Variants in CD302 observed in about 807,000 individuals in gnomAD.
CD302 encodes the protein CD302 molecule, also known as CD302 antigen.
CD302 carries 23 observed loss-of-function variants against 26.5 expected under a neutral mutation model. That is an observed-to-expected ratio of 0.87 (90% confidence interval 0.62 to 1.23). CD302 has a LOEUF of 1.23. Ranked by LOEUF, CD302 falls within the 50% of genes most tolerant of loss-of-function variation. CD302 has a pLI of 0.00. For synonymous variants in CD302, 90 were observed against 99.4 expected (o/e 0.91, Z 0.56); for missense variants, 290 against 275.5 (o/e 1.05, Z -0.37).
chr2:159,792,990 G>A (rs1193493055), intron 1 of CD302, among the ~76,000 whole-genome samples: 1 of 152,194 alleles, frequency 6.6e-6, no homozygotes, highest in African/African-American at 2.4e-5. Flanking sequence ...ATAGAGGCTG[G>A]ATAACTCCTG....
chr2:159,783,320 A>T, intron 2 of CD302, 39 bp downstream of exon 2: 1 of 1,503,320 alleles, frequency 6.7e-7, no homozygotes, highest in Non-Finnish European at 8.9e-7. Flanking sequence ...CTGTTCACTA[A>T]TTTGTGAAAA....
chr2:159,785,606 A>G (rs1177812784), intron 1 of CD302, among the ~76,000 whole-genome samples: 1 of 152,216 alleles, frequency 6.6e-6, no homozygotes, highest in Non-Finnish European at 1.5e-5. Context: ...TATATGGAGC[A>G]GGTAGATCCT....
In CD302 at chr2:159,783,474, G is replaced by A; in HGVS notation, c.68-5C>T. On this transcript the variant is annotated splice_region_variant and splice_polypyrimidine_tract_variant and intron_variant, in intron 1 of 5. Coordinates refer to ENST00000259053, the MANE Select transcript of CD302 (RefSeq NM_014880.5). ...TCCAAGTAGATGAAGGACAGTCTATGTAGAAAAAAGAAGAACACTGTTAAA... is the reference window on the plus strand; with the variant it reads ...TCCAAGTAGATGAAGGACAGTCTATATAGAAAAAAGAAGAACACTGTTAAA... 1 of 1,580,360 alleles carries A rather than the reference G, an allele frequency of 6.3e-7. No individual in the cohort carries two copies. Among genetic ancestry groups the A allele is most frequent in the Non-Finnish European group, 8.6e-7 (1 of 1,168,100 alleles).
intron 1 of CD302, among the ~76,000 whole-genome samples, chr2:159,785,988 A>G (rs1436285369): frequency 6.6e-6 from 1 of 152,196 alleles, no homozygotes; most frequent in African/African-American, 2.4e-5. Flanking sequence ...CATCTACCTC[A>G]TTGGATTGTT....
intron 1 of CD302, among the ~76,000 whole-genome samples, chr2:159,792,074 C>G (rs902946200): frequency 6.6e-6 from 1 of 152,176 alleles, no homozygotes; most frequent in African/African-American, 2.4e-5. Flanking sequence ...GGCTTGGGGT[C>G]TCCATGAAGT....
chr2:159,780,556 A>G (rs950767143), intron 3 of CD302, among the ~76,000 whole-genome samples: 3 of 152,362 alleles, frequency 2.0e-5, no homozygotes, highest in Middle Eastern at 6.8e-3. Flanking sequence ...ATATGTTTAT[A>G]TAATAGAACC....
chr2:159,779,896 C>G, intron 4 of CD302, 109 bp downstream of exon 4: 2 of 1,342,860 alleles, frequency 1.5e-6, no homozygotes, highest in Admixed American at 2.5e-5. Context: ...AGCCACTGTG[C>G]CTAGCCTTAT....
intron 1 of CD302, among the ~76,000 whole-genome samples, chr2:159,786,913 C>A (rs966311605): frequency 6.6e-6 from 1 of 152,202 alleles, no homozygotes; most frequent in African/African-American, 2.4e-5. Context: ...TCTAACCTAA[C>A]TTCTAACACC....
chr2:159,785,546 C>G (rs1708644452), intron 1 of CD302, among the ~76,000 whole-genome samples: 1 of 152,214 alleles, frequency 6.6e-6, no homozygotes, highest in African/African-American at 2.4e-5. Context: ...AGACGCCAGA[C>G]AGCTTTGTAG....
intron 4 of CD302, among the ~76,000 whole-genome samples, chr2:159,778,322 G>C (rs1708400493): frequency 6.6e-6 from 1 of 152,162 alleles, no homozygotes; most frequent in African/African-American, 2.4e-5. Context: ...AACTACCTTA[G>C]TATGGATGTA....
intron 5 of CD302, among the ~76,000 whole-genome samples, chr2:159,774,954 T>C (rs1382607395): frequency 2.0e-5 from 3 of 152,196 alleles, no homozygotes; most frequent in African/African-American, 7.2e-5. Flanking sequence ...CTAATCCCTA[T>C]CTACATGACA....
At chr2:159,778,231 A>G (rs1708397922) in intron 4 of CD302, among the ~76,000 whole-genome samples, 1 of 152,192 alleles carries the variant, frequency 6.6e-6, no homozygotes, top group African/African-American at 2.4e-5. Context: ...GGAAAAGACA[A>G]TAATGAGGTA....
intron 5 of CD302, among the ~76,000 whole-genome samples, chr2:159,775,000 A>G (rs1207410549): frequency 2.6e-5 from 4 of 152,188 alleles, no homozygotes; most frequent in Non-Finnish European, 5.9e-5. Flanking sequence ...CATTATGCAA[A>G]ATCATGGCCT....
intron 5 of CD302, among the ~76,000 whole-genome samples, chr2:159,773,105 G>A (rs1708206379): frequency 6.6e-6 from 1 of 152,184 alleles, no homozygotes; most frequent in African/African-American, 2.4e-5. Context: ...GGCAACCTCC[G>A]CCTTCTGGGT....
At chr2:159,795,566 C>G (rs959892669) in intron 1 of CD302, among the ~76,000 whole-genome samples, 1 of 152,136 alleles carries the variant, frequency 6.6e-6, no homozygotes, top group Non-Finnish European at 1.5e-5. Context: ...AAAACATGGA[C>G]ATGTGACAGA....
chr2:159,797,230 G>GC (rs1682464974), intron 1 of CD302, among the ~76,000 whole-genome samples: 1 of 126,364 alleles, frequency 7.9e-6, no homozygotes, highest in Non-Finnish European at 1.7e-5. Context: ...GGTGGGGGGG[G>GC]GGAATCTCTT....
intron 1 of CD302, among the ~76,000 whole-genome samples, chr2:159,792,792 C>T (rs192413467): frequency 1.3e-5 from 2 of 151,766 alleles, no homozygotes; most frequent in East Asian, 3.9e-4. Flanking sequence ...AGACTGTTGA[C>T]TCACTTCCCC....
At chr2:159,794,491 AAAAT>A (rs145930406) in intron 1 of CD302, among the ~76,000 whole-genome samples, 51,762 of 150,630 alleles carry the variant, frequency 0.34, 9,096 homozygotes, top group South Asian at 0.44. Flanking sequence ...CATTGGAAGA[AAAAT>A]AAACATTAAC....
chr2:159,785,086 T>G (rs1200655277), intron 1 of CD302, among the ~76,000 whole-genome samples: 1 of 151,500 alleles, frequency 6.6e-6, no homozygotes, highest in Non-Finnish European at 1.5e-5. Flanking sequence ...GTGATTCTTG[T>G]GCCTCCGCCT....
Sources: allele counts gnomAD v4.1 joint callset (sites outside exome capture counted in the v4.1 genomes callset), GRCh38; gene constraint gnomAD v4.1.1; transcripts MANE v1.5; gene names NCBI Gene and HGNC (gene_info 2026-07-23, HGNC 2026-07-21).